Variants in GLI2 observed in about 807,000 individuals in gnomAD.
GLI2 encodes GLI family zinc finger 2, also known as transcription activator GLI2.
In GLI2, 22 loss-of-function variants were observed where a neutral mutation model predicts 78.9. That is an observed-to-expected ratio of 0.28 (90% CI 0.20 to 0.40). GLI2 has a LOEUF of 0.40. GLI2 is among the 10% of genes least tolerant of loss of function. The pLI is 1.00. For missense variants in GLI2, 2,097 were observed against 2,213.2 expected (o/e 0.95, Z 1.05); for synonymous variants, 974 against 963.7 (o/e 1.01, Z -0.20).
At chr2:120,796,850 C>T (rs1684421046) in intron 1 of GLI2, among the ~76,000 whole-genome samples, 1 of 152,188 alleles carries the variant, frequency 6.6e-6, no homozygotes, top group Non-Finnish European at 1.5e-5. Flanking sequence ...AGCGAACATG[C>T]AGATGAATAA....
chr2:120,848,100 C>T (rs1305087203), intron 2 of GLI2, among the ~76,000 whole-genome samples: 2 of 152,350 alleles, frequency 1.3e-5, no homozygotes, highest in South Asian at 2.1e-4. Flanking sequence ...TGCATCTTGA[C>T]GGAGCTTGTC....
At chr2:120,797,243 G>T in intron 1 of GLI2, 48 bp from the exon 2 acceptor site, 1 of 1,481,936 alleles carries the variant, frequency 6.7e-7, no homozygotes, top group East Asian at 2.3e-5. Context: ...GCGTTTCCCG[G>T]CTGGGTTTGG....
chr2:120,811,176 T>G (rs1423497502), intron 2 of GLI2, among the ~76,000 whole-genome samples: 1 of 152,132 alleles, frequency 6.6e-6, no homozygotes, highest in Admixed American at 6.5e-5. Context: ...CAAATACCAG[T>G]GTCCGCCTCC....
At position 120,990,073 on chromosome 2, in the gene GLI2, C is replaced by A; in HGVS notation, c.4108C>A (p.Arg1370Ser). ...PSPTGRHRGV[R>S]AVQQQLAYAR... is the part of the protein sequence containing the mutation. Reference sequence around the variant, plus strand: ...CCCCACTGGCCGCCACCGTGGGGTACGTGCTGTGCAGCAGCAGCTGGCCTA... The same window carrying A: ...CCCCACTGGCCGCCACCGTGGGGTAAGTGCTGTGCAGCAGCAGCTGGCCTA... The change falls in exon 14 of 14, where the codon CGT becomes AGT. Residue 1370 changes from arginine to serine, a missense_variant. Arg to Ser is a moderately radical substitution (Grantham distance 110). Around this residue, in one of 5 missense-constraint regions of GLI2, gnomAD observed 1,290 missense variants for 1,261.7 expected, o/e 1.02. Transcript: ENST00000361492. 4 of 1,598,632 alleles carry A rather than the reference C, an allele frequency of 2.5e-6. No homozygotes were observed. Among genetic ancestry groups the A allele is most frequent in the Non-Finnish European group, 3.4e-6 (4 of 1,171,282 alleles).
chr2:120,985,292 T>C (rs1204735537), intron 12 of GLI2, among the ~76,000 whole-genome samples: 1 of 152,134 alleles, frequency 6.6e-6, no homozygotes, highest in Admixed American at 6.5e-5. Context: ...TGGCAGAGAC[T>C]CACCTGTCAG....
At chr2:120,790,253 T>C (rs996076982) in intron 1 of GLI2, among the ~76,000 whole-genome samples, 1 of 152,236 alleles carries the variant, frequency 6.6e-6, no homozygotes, top group Non-Finnish European at 1.5e-5. Context: ...GCAGTGGCTG[T>C]GCACTGGTGC....
At position 120,863,834 on chromosome 2, in the gene GLI2, G is replaced by A. The variant is rs79822242; in HGVS notation, c.149-63527G>A. ...AGCTGAGTCACAGGAGGGCGAGGCC[G>A]AGGCAGCCCTTCCAGGAAGCCTTTT... On this transcript the variant is annotated intron_variant, in intron 2 of 13. Coordinates refer to ENST00000361492, the MANE Select transcript of GLI2 (RefSeq NM_001374353.1). 6.5e-3 allele frequency among the ~76,000 whole-genome samples: 993 copies of A among 152,294 alleles called. 10 individuals carry two copies. Among genetic ancestry groups the A allele is most frequent in the African/African-American group, 0.022 (933 of 41,564 alleles).
intron 2 of GLI2, among the ~76,000 whole-genome samples, chr2:120,868,692 G>A (rs1367400043): frequency 6.6e-6 from 1 of 152,258 alleles, no homozygotes; most frequent in African/African-American, 2.4e-5. Context: ...AATCATGTCA[G>A]AGTGTGACTT....
At chr2:120,738,476 G>C (rs1682435279) in intron 1 of GLI2, among the ~76,000 whole-genome samples, 1 of 152,096 alleles carries the variant, frequency 6.6e-6, no homozygotes, top group South Asian at 2.1e-4. Flanking sequence ...CCTCTGCTTC[G>C]AGAAATATGC....
chr2:120,927,680 C>G (rs543930121), intron 3 of GLI2, among the ~76,000 whole-genome samples: 1 of 152,236 alleles, frequency 6.6e-6, no homozygotes, highest in Admixed American at 6.5e-5. Flanking sequence ...CACCCCCGAG[C>G]CCACATCACC....
chr2:120,944,630 G>A (rs940961574), intron 3 of GLI2, among the ~76,000 whole-genome samples: 10 of 152,306 alleles, frequency 6.6e-5, no homozygotes, highest in African/African-American at 2.4e-4. Flanking sequence ...GAGCCAGCAC[G>A]AGCCTGCATC....
intron 2 of GLI2, among the ~76,000 whole-genome samples, chr2:120,876,379 G>A (rs1317888734): frequency 6.6e-6 from 1 of 152,098 alleles, no homozygotes; most frequent in Non-Finnish European, 1.5e-5. Flanking sequence ...TAAATGCAAA[G>A]TGGAATCAGG....
At chr2:120,892,115 G>T (rs1677711764) in intron 2 of GLI2, among the ~76,000 whole-genome samples, 1 of 152,150 alleles carries the variant, frequency 6.6e-6, no homozygotes, top group Non-Finnish European at 1.5e-5. Context: ...CTGTCCCATT[G>T]TCGGGCCCCC....
At chr2:120,814,811 C>T (rs1247828259) in intron 2 of GLI2, among the ~76,000 whole-genome samples, 1 of 113,184 alleles carries the variant, frequency 8.8e-6, no homozygotes, top group Admixed American at 1.3e-4. Context: ...CTGCATTGGT[C>T]CCTGGAAAAA....
intron 2 of GLI2, among the ~76,000 whole-genome samples, chr2:120,843,459 C>T (rs1686974636): frequency 6.6e-6 from 1 of 152,184 alleles, no homozygotes; most frequent in South Asian, 2.1e-4. Flanking sequence ...TTGGAGTTCA[C>T]AAAAATAACC....
intron 1 of GLI2, among the ~76,000 whole-genome samples, chr2:120,775,504 G>A (rs560135141): frequency 3.3e-5 from 5 of 152,256 alleles, no homozygotes; most frequent in East Asian, 1.9e-4. Context: ...CCTTCCTGGC[G>A]TTTGAAAGAG....
intron 2 of GLI2, among the ~76,000 whole-genome samples, chr2:120,841,267 G>T (rs1424063378): frequency 6.6e-6 from 1 of 152,166 alleles, no homozygotes; most frequent in Non-Finnish European, 1.5e-5. Flanking sequence ...AAAATCCACT[G>T]GCTAAGTCAC....
intron 2 of GLI2, among the ~76,000 whole-genome samples, chr2:120,826,574 T>C (rs1686072991): frequency 6.6e-6 from 1 of 152,096 alleles, no homozygotes; most frequent in African/African-American, 2.4e-5. Flanking sequence ...GGTGGAGATT[T>C]TTATCTCATG....
At chr2:120,826,209 G>C (rs544341220) in intron 2 of GLI2, among the ~76,000 whole-genome samples, 1 of 152,308 alleles carries the variant, frequency 6.6e-6, no homozygotes, top group Non-Finnish European at 1.5e-5. Flanking sequence ...GAGGGAGAGA[G>C]GGGAGAAGCT....
Sources: gnomAD v4.1 joint callset for allele counts (sites outside exome capture counted in the v4.1 genomes callset) on GRCh38, gnomAD v4.1.1 for gene constraint, gnomAD v4.1.1 regional missense constraint, MANE v1.5 for transcripts, NCBI Gene and HGNC (gene_info 2026-07-23, HGNC 2026-07-21) for gene names.